Variants in EXOC4 observed in about 807,000 individuals in gnomAD.
EXOC4 encodes SEC8-like 1.
In EXOC4, 71 loss-of-function variants were observed where a neutral mutation model predicts 107.2. The ratio of observed to expected loss-of-function variants is 0.66; its 90% confidence interval spans 0.55 to 0.81. EXOC4 has a LOEUF of 0.81. Ranked by LOEUF, EXOC4 falls within the 30% of genes least tolerant of loss-of-function variation. The pLI is 0.00. For synonymous variants in EXOC4, 456 were observed against 441.2 expected (o/e 1.03, Z -0.42); for missense variants, 1,108 against 1,189.6 (o/e 0.93, Z 1.01).
chr7:133,432,830 A>G (rs1312214291), intron 7 of EXOC4, among the ~76,000 whole-genome samples: 1 of 152,190 alleles, frequency 6.6e-6, no homozygotes, highest in Admixed American at 6.5e-5. Flanking sequence ...GGCTATTTCT[A>G]TGCAAAACTA....
At chr7:133,581,384 T>C (rs1286066315) in intron 9 of EXOC4, among the ~76,000 whole-genome samples, 1 of 152,200 alleles carries the variant, frequency 6.6e-6, no homozygotes, top group Admixed American at 6.5e-5. Flanking sequence ...GATAATTTCA[T>C]CATTCAGATG....
At chr7:133,435,484 G>C (rs1001775102) in intron 7 of EXOC4, among the ~76,000 whole-genome samples, 7 of 152,170 alleles carry the variant, frequency 4.6e-5, no homozygotes, top group African/African-American at 1.7e-4. Context: ...TGTAGAATAA[G>C]CGACCAGAAA....
chr7:134,067,181 C>T (rs979568420), downstream of EXOC4, among the ~76,000 whole-genome samples: 4 of 147,566 alleles, frequency 2.7e-5, no homozygotes, highest in East Asian at 2.0e-4. Flanking sequence ...AAAAGGCCAA[C>T]GAAATACGCC....
intron 7 of EXOC4, among the ~76,000 whole-genome samples, chr7:133,474,156 T>G (rs1212689518): frequency 6.6e-6 from 1 of 152,208 alleles, no homozygotes; most frequent in Non-Finnish European, 1.5e-5. Context: ...TTCCTTCTTA[T>G]TATCTTTCTT....
chr7:133,587,788 T>A (rs1801440185), intron 9 of EXOC4, among the ~76,000 whole-genome samples: 1 of 152,198 alleles, frequency 6.6e-6, no homozygotes, highest in Admixed American at 6.5e-5. Context: ...AAAGAAGTTA[T>A]CCAGAGAAGA....
intron 10 of EXOC4, among the ~76,000 whole-genome samples, chr7:133,726,572 T>C (rs1404728231): frequency 6.6e-6 from 1 of 152,236 alleles, no homozygotes; most frequent in Non-Finnish European, 1.5e-5. Flanking sequence ...AGGCCTCCAA[T>C]AGGCTCTGCA....
chr7:133,306,036 C>A lies in EXOC4; in HGVS notation c.631C>A (p.Arg211Ser), dbSNP rs771323780. 2.5e-6 allele frequency: 4 copies of A among 1,611,582 alleles called. No individual in the cohort carries two copies. Among genetic ancestry groups the A allele is most frequent in the Middle Eastern group, 1.7e-4 (1 of 6,050 alleles). The change falls in exon 4 of 18, where the codon CGT becomes AGT. Residue 211 changes from arginine (R) to serine (S), a missense_variant. Physicochemically the swap from Arg to Ser is moderately radical, Grantham distance 110. Coordinates refer to ENST00000253861, the MANE Select transcript of EXOC4 (RefSeq NM_021807.4). ...CAAATCGACTAGCCGAGTTGTGCAG[C>A]GTAACAAGGAAAAAGGGAAAATCAG... ...YIKSTSRVVQRNKEKGKISSL... is the reference protein window; with the variant it reads ...YIKSTSRVVQSNKEKGKISSL...
At chr7:133,416,796 C>T (rs577852635) in intron 7 of EXOC4, among the ~76,000 whole-genome samples, 30 of 152,262 alleles carry the variant, frequency 2.0e-4, no homozygotes, top group Middle Eastern at 3.4e-3. Context: ...GAATGACTCT[C>T]TGCTTGCAGG....
chr7:133,691,830 T>A (rs1794427215), intron 10 of EXOC4, among the ~76,000 whole-genome samples: 1 of 152,170 alleles, frequency 6.6e-6, no homozygotes, highest in Non-Finnish European at 1.5e-5. Context: ...GCTTAGCACA[T>A]TTCAGAAATT....
chr7:133,759,055 T>A, intron 10 of EXOC4, among the ~76,000 whole-genome samples: 1 of 152,150 alleles, frequency 6.6e-6, no homozygotes, highest in East Asian at 1.9e-4. Context: ...TTTTTTTGGA[T>A]TTAGGGATTG....
chr7:134,022,593 G>T (rs1795052500), intron 17 of EXOC4, among the ~76,000 whole-genome samples: 1 of 151,812 alleles, frequency 6.6e-6, no homozygotes, highest in South Asian at 2.1e-4. Context: ...TCTATTAAAA[G>T]CTGCAGCTCC....
At chr7:133,686,240 A>C (rs1194957188) in intron 10 of EXOC4, among the ~76,000 whole-genome samples, 1 of 152,148 alleles carries the variant, frequency 6.6e-6, no homozygotes, top group African/African-American at 2.4e-5. Flanking sequence ...TGTAAGAATA[A>C]ATTTATTTTC....
chr7:134,057,191 A>C (rs7786246), intron 17 of EXOC4, among the ~76,000 whole-genome samples: 85 of 152,288 alleles, frequency 5.6e-4, no homozygotes, highest in African/African-American at 2.0e-3. Context: ...ATGACCGATC[A>C]AAGAAGACCG....
At chr7:133,852,017 T>C (rs949789164) in intron 11 of EXOC4, among the ~76,000 whole-genome samples, 1 of 152,190 alleles carries the variant, frequency 6.6e-6, no homozygotes, top group African/African-American at 2.4e-5. Flanking sequence ...AAAATTTTCT[T>C]ATAATCTTGA....
chr7:133,306,924 A>G (rs1213639211), intron 4 of EXOC4, among the ~76,000 whole-genome samples: 2 of 152,182 alleles, frequency 1.3e-5, no homozygotes, highest in East Asian at 3.9e-4. Flanking sequence ...CTGGTAGGGA[A>G]TAAGACTAGA....
At chr7:133,737,943 G>T (rs1453160677) in intron 10 of EXOC4, among the ~76,000 whole-genome samples, 1 of 93,638 alleles carries the variant, frequency 1.1e-5, no homozygotes. Context: ...ACGGGGTCTT[G>T]CTCTGTTGCT....
At chr7:133,702,274 A>T (rs1392138851) in intron 10 of EXOC4, among the ~76,000 whole-genome samples, 1 of 113,736 alleles carries the variant, frequency 8.8e-6, no homozygotes, top group Non-Finnish European at 1.8e-5. Context: ...GAACACCCGC[A>T]TCAGCTGCTG....
At chr7:133,488,354 G>A (rs561795330) in intron 9 of EXOC4, among the ~76,000 whole-genome samples, 1 of 152,104 alleles carries the variant, frequency 6.6e-6, no homozygotes, top group African/African-American at 2.4e-5. Context: ...CACAGTTCAA[G>A]GTAGACAACA....
At position 133,682,779 on chromosome 7, in the gene EXOC4, A is replaced by G. The variant is rs368225048; in HGVS notation, c.1514+52638A>G. Among the ~76,000 whole-genome samples, 16 of 152,318 alleles carry G rather than the reference A, an allele frequency of 1.1e-4. No homozygotes were observed. In the East Asian group the frequency reaches 1.2e-3, roughly 11 times the overall value. ...GTAGTGGCAAACATCAGACGCTTTT[A>G]CCACCACATAGAGTTTGAGGCTCTC... On this transcript the variant is annotated intron_variant, in intron 10 of 17. Transcript: ENST00000253861.
Sources: gnomAD v4.1 joint callset for allele counts (sites outside exome capture counted in the v4.1 genomes callset) on GRCh38, gnomAD v4.1.1 for gene constraint, MANE v1.5 for transcripts, NCBI Gene and HGNC (gene_info 2026-07-23, HGNC 2026-07-21) for gene names.